Variants in NTM observed in about 807,000 individuals in gnomAD.
NTM encodes the protein neurotrimin.
A neutral mutation model predicts 42.1 loss-of-function variants in NTM; 13 were observed. The observed-to-expected ratio is 0.31, with a 90% CI of 0.20 to 0.49. NTM has a LOEUF of 0.49. Ranked by LOEUF, NTM falls within the 20% of genes least tolerant of loss-of-function variation. NTM has a pLI of 0.99. For missense variants in NTM, 373 were observed against 452.8 expected (o/e 0.82, Z 1.60); for synonymous variants, 187 against 179.2 (o/e 1.04, Z -0.35).
chr11:131,908,020 A>AT (rs1475513382), intron 1 of NTM, among the ~76,000 whole-genome samples: 1 of 152,208 alleles, frequency 6.6e-6, no homozygotes, highest in African/African-American at 2.4e-5. Flanking sequence ...ATGTTTGAAT[A>AT]AAGTTTGGAT....
intron 1 of NTM, among the ~76,000 whole-genome samples, chr11:131,606,612 C>T (rs910897968): frequency 1.3e-5 from 2 of 152,138 alleles, no homozygotes; most frequent in Non-Finnish European, 2.9e-5. Flanking sequence ...AACAAAATAA[C>T]ACATGGGAAC....
chr11:131,709,267 C>T (rs1029406508), intron 1 of NTM, among the ~76,000 whole-genome samples: 2 of 152,070 alleles, frequency 1.3e-5, no homozygotes, highest in Non-Finnish European at 2.9e-5. Context: ...AAAAGGAAAT[C>T]TATTGGCAGC....
intron 1 of NTM, chr11:131,910,917 C>T (rs964444755): frequency 5.1e-6 from 5 of 987,010 alleles, no homozygotes; most frequent in East Asian, 1.1e-4. Flanking sequence ...CCGTCTCCTC[C>T]GCGCGCCACC....
At chr11:131,536,231 A>C (rs1185146261) in intron 1 of NTM, 1 of 152,204 alleles carries the variant, frequency 6.6e-6, no homozygotes, top group East Asian at 1.9e-4. Flanking sequence ...GTACCCCTAA[A>C]ATTTCCCAAG....
At chr11:132,212,903 G>A (rs1345688112) in intron 4 of NTM, among the ~76,000 whole-genome samples, 3 of 151,922 alleles carry the variant, frequency 2.0e-5, no homozygotes, top group Non-Finnish European at 4.4e-5. Flanking sequence ...ACAGCAATAA[G>A]CCAAAGCGGT....
intron 2 of NTM, among the ~76,000 whole-genome samples, chr11:132,044,112 GT>G: frequency 1.2e-5 from 1 of 84,314 alleles, no homozygotes; most frequent in Non-Finnish European, 2.3e-5. Flanking sequence ...ATGTGTGTAT[GT>G]GTATGTGTGT....
intron 1 of NTM, among the ~76,000 whole-genome samples, chr11:131,379,445 A>G (rs1220844632): frequency 1.3e-5 from 2 of 152,156 alleles, no homozygotes; most frequent in African/African-American, 2.4e-5. Flanking sequence ...CTCCTAACAC[A>G]GCGGCTCCAG....
intron 1 of NTM, among the ~76,000 whole-genome samples, chr11:131,850,029 T>C (rs990465442): frequency 6.6e-6 from 1 of 152,018 alleles, no homozygotes; most frequent in South Asian, 2.1e-4. Context: ...TAATTTGCAC[T>C]CAGGTTGCTA....
chr11:132,122,408 C>T (rs1346094652), intron 2 of NTM, among the ~76,000 whole-genome samples: 2 of 152,200 alleles, frequency 1.3e-5, no homozygotes, highest in East Asian at 3.9e-4. Flanking sequence ...TCGGCCTCCC[C>T]TGGGGCTGTT....
intron 1 of NTM, among the ~76,000 whole-genome samples, chr11:131,878,597 ATATATATATATATATATAT>A (rs2048947507): frequency 0.018 from 178 of 9,714 alleles, 52 homozygotes; most frequent in African/African-American, 0.053. Context: ...AAAAAAAAAT[ATATATATATATATATATAT>A]ATATATATAT....
chr11:132,326,151 A>T (rs2095677240), intron 7 of NTM, among the ~76,000 whole-genome samples: 1 of 152,168 alleles, frequency 6.6e-6, no homozygotes, highest in African/African-American at 2.4e-5. Flanking sequence ...CATGTACCCT[A>T]AAACTTAAAG....
At chr11:131,980,517 T>G (rs1169253847) in intron 2 of NTM, among the ~76,000 whole-genome samples, 1 of 152,266 alleles carries the variant, frequency 6.6e-6, no homozygotes, top group African/African-American at 2.4e-5. Context: ...TTATTGAATT[T>G]TCTTAAGGAA....
chr11:132,094,650 G>A (rs2060750304), intron 2 of NTM, among the ~76,000 whole-genome samples: 1 of 152,192 alleles, frequency 6.6e-6, no homozygotes, highest in African/African-American at 2.4e-5. Context: ...TTGGTAAATA[G>A]AAGCCCCTTA....
At chr11:131,881,077 C>T (rs763106277) in intron 1 of NTM, among the ~76,000 whole-genome samples, 1 of 152,106 alleles carries the variant, frequency 6.6e-6, no homozygotes, top group Admixed American at 6.5e-5. Flanking sequence ...GTGTATTCCC[C>T]CATGGTCTGC....
intron 1 of NTM, among the ~76,000 whole-genome samples, chr11:131,775,396 T>A (rs193266503): frequency 6.6e-6 from 1 of 152,334 alleles, no homozygotes. Context: ...AGATTATGTG[T>A]CTCCTTCCTG....
chr11:131,789,645 G>GAA (rs1206156828), intron 1 of NTM, among the ~76,000 whole-genome samples: 20 of 128,298 alleles, frequency 1.6e-4, no homozygotes, highest in Admixed American at 9.3e-4. Flanking sequence ...AAAAGAAGAA[G>GAA]AAGAAGAAGA....
At chr11:132,213,730 C>CTTTTT (rs59685389) in intron 4 of NTM, among the ~76,000 whole-genome samples, 65 of 80,504 alleles carry the variant, frequency 8.1e-4, no homozygotes, top group African/African-American at 1.3e-3. Flanking sequence ...GGCCACCATT[C>CTTTTT]TTTTTTTTTT....
chr11:131,945,185 T>A (rs1488240751), intron 2 of NTM, among the ~76,000 whole-genome samples: 10 of 152,212 alleles, frequency 6.6e-5, no homozygotes. Flanking sequence ...TTTTAGCTAT[T>A]TGTGTAAAAC....
intron 1 of NTM, among the ~76,000 whole-genome samples, chr11:131,873,688 TATACACAC>T (rs1339059332): frequency 2.3e-5 from 3 of 129,288 alleles, no homozygotes; most frequent in African/African-American, 1.1e-4. Context: ...CACACATATA[TATACACAC>T]ATATATATAT....
Sources: allele counts gnomAD v4.1 joint callset (sites outside exome capture counted in the v4.1 genomes callset), GRCh38; gene constraint gnomAD v4.1.1; transcripts MANE v1.5; gene names NCBI Gene and HGNC (gene_info 2026-07-23, HGNC 2026-07-21).